Variants in SMC4 observed in about 807,000 individuals in gnomAD.
SMC4 encodes the protein structural maintenance of chromosomes 4.
SMC4 carries 87 observed loss-of-function variants against 145.6 expected under a neutral mutation model. That is an observed-to-expected ratio of 0.60 (90% CI 0.50 to 0.71). SMC4 has a LOEUF of 0.71. Ranked by LOEUF, SMC4 falls within the 30% of genes least tolerant of loss-of-function variation. The pLI is 0.00. For synonymous variants in SMC4, 558 were observed against 500.7 expected, an observed-to-expected ratio of 1.11 and a Z score of -1.53; for missense variants, 1,447 against 1,537.1, an observed-to-expected ratio of 0.94 and a Z score of 0.98.
Position 160,401,897 on chromosome 3 carries a change from T to C in SMC4, c.140-18T>C. 6.4e-7 allele frequency: 1 copy of C among 1,569,466 alleles called. No individual in the cohort carries two copies. The highest frequency in any genetic ancestry group is 8.6e-7 in the Non-Finnish European group (1 of 1,164,880). On this transcript the variant is annotated intron_variant, in intron 2 of 23. Transcript: ENST00000357388. ...CCCCGCCGTTTGCCTTCGTTTTCCTTTCCTTTCACTGACTTAGAGACTGCA... is the reference window on the plus strand; with the variant it reads ...CCCCGCCGTTTGCCTTCGTTTTCCTCTCCTTTCACTGACTTAGAGACTGCA...
At chr3:160,420,049 G>A (rs1466368251) in intron 12 of SMC4, among the ~76,000 whole-genome samples, 1 of 152,174 alleles carries the variant, frequency 6.6e-6, no homozygotes, top group Non-Finnish European at 1.5e-5. Context: ...AAAAATCCAA[G>A]GCTAGCAATA....
chr3:160,422,126 C>G (rs1461980196), intron 13 of SMC4, among the ~76,000 whole-genome samples: 1 of 152,152 alleles, frequency 6.6e-6, no homozygotes, highest in East Asian at 1.9e-4. Flanking sequence ...TGTGTTTTCA[C>G]TTTTTGTGCT....
At chr3:160,412,643 C>G in intron 7 of SMC4, 190 bp downstream of exon 7, 1 of 1,145,292 alleles carries the variant, frequency 8.7e-7, no homozygotes, top group South Asian at 2.1e-5. Flanking sequence ...AGGAGGATCA[C>G]TTGAGGCTGG....
chr3:160,432,455 G>A lies in SMC4; in HGVS notation c.3470G>A (p.Gly1157Glu). ...KENYQMLTLG[G>E]DAELELVDSL... ...AATTACCAAATGCTTACTTTGGGAGGGGACGCCGAACTCGAGCTTGTAGAC... is the reference window on the plus strand; with the variant it reads ...AATTACCAAATGCTTACTTTGGGAGAGGACGCCGAACTCGAGCTTGTAGAC... The change falls in exon 22 of 24, where the codon GGG becomes GAG. Residue 1157 changes from glycine (G) to glutamate (E), a missense_variant. Gly to Glu is a moderately conservative substitution (Grantham distance 98). Transcript: ENST00000357388. 6.2e-7 allele frequency: 1 copy of A among 1,613,138 alleles called. No individual in the cohort carries two copies. Among genetic ancestry groups the A allele is most frequent in the Non-Finnish European group, 8.5e-7 (1 of 1,179,616 alleles).
At chr3:160,427,544 G>A (rs1226794465) in intron 17 of SMC4, among the ~76,000 whole-genome samples, 1 of 152,158 alleles carries the variant, frequency 6.6e-6, no homozygotes, top group Non-Finnish European at 1.5e-5. Flanking sequence ...TTCATGGAGA[G>A]ACTGCAAGAG....
At chr3:160,425,262 A>C (rs151241818) in intron 16 of SMC4, among the ~76,000 whole-genome samples, 1 of 152,128 alleles carries the variant, frequency 6.6e-6, no homozygotes, top group Admixed American at 6.5e-5. Flanking sequence ...TAGAAACATT[A>C]CTTTCCTTAA....
In SMC4 at chr3:160,432,486, G is replaced by A. The variant is rs765115850; in HGVS notation, c.3501G>A (p.Leu1167=). ...CCGAACTCGAGCTTGTAGACAGCTT[G>A]GATCCTTTCTCTGAAGGAATCATGT... ...GDAELELVDS[L]DPFSEGIMFS... is the part of the protein sequence containing the mutation. The change falls in exon 22 of 24, where the codon TTG becomes TTA. Residue 1167 remains leucine, a synonymous_variant. Coordinates refer to ENST00000357388, the MANE Select transcript of SMC4 (RefSeq NM_001002800.3). 3 of 1,607,018 alleles carry A rather than the reference G, an allele frequency of 1.9e-6. No homozygotes were observed. The East Asian group carries it at 6.7e-5, about 36-fold the overall frequency.
intron 11 of SMC4, among the ~76,000 whole-genome samples, chr3:160,418,596 T>G (rs1362782086): frequency 1.3e-5 from 2 of 152,250 alleles, no homozygotes; most frequent in Non-Finnish European, 2.9e-5. Flanking sequence ...GGGAATTTCA[T>G]GACCAGGTAG....
At chr3:160,423,734 A>G (rs1313467656) in intron 14 of SMC4, 27 bp from the exon 15 acceptor site, 3 of 1,607,788 alleles carry the variant, frequency 1.9e-6, no homozygotes, top group East Asian at 2.2e-5. Context: ...AGACATCTGA[A>G]GCTGACTTCT....
chr3:160,409,004 C>A (rs1377004922), intron 5 of SMC4, among the ~76,000 whole-genome samples: 1 of 151,964 alleles, frequency 6.6e-6, no homozygotes, highest in Non-Finnish European at 1.5e-5. Flanking sequence ...AATCTTAAGA[C>A]TGCTGTAATC....
Position 160,423,627 on chromosome 3 carries a change from A to G in SMC4, c.2222A>G (p.Gln741Arg), listed in dbSNP as rs1456911172. 6.2e-7 allele frequency: 1 copy of G among 1,612,968 alleles called. No individual in the cohort carries two copies. Among genetic ancestry groups the G allele is most frequent in the Non-Finnish European group, 8.5e-7 (1 of 1,179,274 alleles). The change falls in exon 14 of 24, where the codon CAG (glutamine) becomes CGG (arginine). Residue 741 changes from glutamine to arginine, a missense_variant. Transcript: ENST00000357388. ...AGAAGATGGAGAGTGGTAACTTTAC[A>G]GGGACAAATCATAGAACAGTCAGGT... ...KDRRWRVVTL[Q>R]GQIIEQSGTM... is the part of the protein sequence containing the mutation.
chr3:160,402,226 GTC>G (rs555774784), intron 3 of SMC4, 133 bp downstream of exon 3: 4,496 of 423,228 alleles, frequency 0.011, 20 homozygotes, highest in South Asian at 0.021. Flanking sequence ...TAGTCTTTCT[GTC>G]TCTCTCTCTC....
intron 18 of SMC4, among the ~76,000 whole-genome samples, chr3:160,430,233 C>G (rs921036417): frequency 1.4e-5 from 2 of 142,174 alleles, no homozygotes; most frequent in African/African-American, 5.3e-5. Context: ...TACTTGTTGC[C>G]TTGTCTTGAA....
Position 160,431,063 on chromosome 3 carries a change from G to A in SMC4, c.2972G>A (p.Arg991His), listed in dbSNP as rs755432637. Residue 991 changes from arginine (R) to histidine (H), a missense_variant, in exon 20 of 24, where the codon CGC (arginine) becomes CAC (histidine). Physicochemically the swap from Arg to His is conservative, Grantham distance 29. Transcript: ENST00000357388. ...TTACCAGAGATCCAGAAAGAACATC[G>A]CAATCTGCTTCAAGAATTAAAAGTT... ...ESLPEIQKEHRNLLQELKVIQ... is the reference protein window; with the variant it reads ...ESLPEIQKEHHNLLQELKVIQ... The A allele has an allele frequency of 3.2e-5, 52 of 1,605,306 alleles. No individual in the cohort carries two copies. Among genetic ancestry groups the A allele is most frequent in the Non-Finnish European group, 3.7e-5 (44 of 1,177,580 alleles).
At chr3:160,411,845 C>G (rs1716021740) in intron 5 of SMC4, 75 bp from the exon 6 acceptor site, 2 of 1,247,434 alleles carry the variant, frequency 1.6e-6, no homozygotes, top group Non-Finnish European at 2.2e-6. Context: ...TATTATTTAA[C>G]TGCTCCCAAT....
intron 5 of SMC4, among the ~76,000 whole-genome samples, chr3:160,407,489 G>T (rs1715465727): frequency 6.6e-6 from 1 of 152,052 alleles, no homozygotes; most frequent in Non-Finnish European, 1.5e-5. Flanking sequence ...GGAGGCAGAG[G>T]TTGCAGTGAG....
In SMC4 at chr3:160,404,384, C is replaced by T. The variant is rs367576879; in HGVS notation, c.567C>T (p.Ala189=). Residue 189 remains alanine (A), a synonymous_variant, in exon 5 of 24, where the codon GCC becomes GCT. Coordinates refer to ENST00000357388, the MANE Select transcript of SMC4 (RefSeq NM_001002800.3). ...PNSNFYVSRT[A]CRDNTSVYHI... is the part of the protein sequence containing the mutation. The stretch of plus-strand genomic sequence containing the variant: ...GTAATTTCTATGTATCCAGAACGGC[C>T]TGCAGAGATAATACTTCTGTCTATC... The T allele has an allele frequency of 3.7e-5, 59 of 1,610,584 alleles. No individual in the cohort carries two copies. The East Asian group carries it at 8.3e-4, about 23-fold the overall frequency.
At chr3:160,413,976 A>G (rs1347086144) in intron 8 of SMC4, 3 of 317,806 alleles carry the variant, frequency 9.4e-6, no homozygotes, top group East Asian at 1.0e-4. Context: ...ACTTGATGCC[A>G]TTTTTCAATG....
In SMC4 at chr3:160,417,828, A is replaced by T. The variant is rs1716747427; in HGVS notation, c.1543A>T (p.Thr515Ser). 6.2e-7 allele frequency: 1 copy of T among 1,612,186 alleles called. No homozygotes were observed. Among genetic ancestry groups the T allele is most frequent in the African/African-American group, 1.3e-5 (1 of 75,000 alleles). ...ELDIYLSRHN[T>S]AVSQLTKAKE... The stretch of plus-strand genomic sequence containing the variant: ...TGATATCTATCTCAGTCGTCATAAT[A>T]CTGCAGTGTCTCAATTAACTAAGGC... The change falls in exon 11 of 24, where the codon ACT (threonine) becomes TCT (serine). Residue 515 changes from threonine (T) to serine (S), a missense_variant. By Grantham distance (58) the Thr-to-Ser change is moderately conservative. Coordinates refer to ENST00000357388, the MANE Select transcript of SMC4 (RefSeq NM_001002800.3).
Sources: gnomAD v4.1 joint callset for allele counts (sites outside exome capture counted in the v4.1 genomes callset) on GRCh38, gnomAD v4.1.1 for gene constraint, MANE v1.5 for transcripts, NCBI Gene and HGNC (gene_info 2026-07-23, HGNC 2026-07-21) for gene names.